GSTP1: variants seen among roughly 807,000 people sequenced by gnomAD.
GSTP1 encodes glutathione S-transferase pi 1.
Under a neutral mutation model 29.4 loss-of-function variants are expected in GSTP1, and 28 were observed. The observed-to-expected ratio is 0.95, with a 90% CI of 0.71 to 1.30. The LOEUF is 1.30. Among genes scored for constraint, GSTP1 ranks in the 50% most tolerant of loss-of-function variants. GSTP1 has a pLI of 0.00. For missense variants in GSTP1, 267 were observed against 266.1 expected (o/e 1.00, Z -0.02); for synonymous variants, 122 against 117.0 (o/e 1.04, Z -0.28).
chr11:67,585,385 G>A, intron 5 of GSTP1, 144 bp downstream of exon 5: 1 of 605,524 alleles, frequency 1.7e-6, no homozygotes, highest in South Asian at 2.0e-5. Flanking sequence ...CTGGGCCAGG[G>A]GCCCAGGGGC....
At chr11:67,585,660 T>TGTGTGC (rs1227612614) in intron 5 of GSTP1, among the ~76,000 whole-genome samples, 84 of 129,312 alleles carry the variant, frequency 6.5e-4, no homozygotes, top group Non-Finnish European at 1.2e-3. Flanking sequence ...AGAGGCAGCG[T>TGTGTGC]GTGTGCGCGT....
Position 67,586,537 on chromosome 11 carries a change from A to C in GSTP1, c.593A>C (p.Glu198Ala), listed in dbSNP as rs776954260. ...CTCAAGGCCTTCCTGGCCTCCCCTG[A>C]GTACGTGAACCTCCCCATCAATGGC... Reference protein sequence around the residue: ...PKLKAFLASPEYVNLPINGNG... With the variant: ...PKLKAFLASPAYVNLPINGNG... The change falls in exon 7 of 7, where the codon GAG (glutamate) becomes GCG (alanine). Residue 198 changes from glutamate (E) to alanine (A), a missense_variant. Physicochemically the swap from Glu to Ala is moderately radical, Grantham distance 107. Coordinates refer to ENST00000398606, the MANE Select transcript of GSTP1 (RefSeq NM_000852.4). The C allele has an allele frequency of 5.6e-6, 9 of 1,613,984 alleles. No homozygotes were observed. In the African/African-American group the frequency reaches 9.3e-5, roughly 17 times the overall value.
intron 5 of GSTP1, 58 bp from the exon 6 acceptor site, chr11:67,586,046 G>T: frequency 7.8e-7 from 1 of 1,288,240 alleles, no homozygotes; most frequent in Middle Eastern, 1.8e-4. Flanking sequence ...GGGCAGACGG[G>T]GGTGTCTCAG....
At position 67,585,233 on chromosome 11, in the gene GSTP1, AC is replaced by A. The variant is rs776127834; in HGVS notation, c.330del (p.Asn111ThrfsTer10). On this transcript the variant is annotated frameshift_variant, in exon 5 of 7. Transcript: ENST00000398606. LOFTEE classifies it high-confidence loss of function. ...CTGCAAATACATCTCCCTCATCTACACCAACTATGTGAGCATCTGCACCAGG... is the reference window on the plus strand; with the variant it reads ...CTGCAAATACATCTCCCTCATCTACACAACTATGTGAGCATCTGCACCAGG... ...LRCKYISLIY[T>X]NYEAGKDDYV... 44 of 1,599,592 alleles carry A rather than the reference AC, an allele frequency of 2.8e-5. No individual in the cohort carries two copies. Among genetic ancestry groups the A allele is most frequent in the Non-Finnish European group, 3.8e-5 (44 of 1,167,002 alleles).
chr11:67,586,346 G>A (rs1295146745), intron 6 of GSTP1, 43 bp from the exon 7 acceptor site: 7 of 1,588,378 alleles, frequency 4.4e-6, no homozygotes, highest in Non-Finnish European at 6.0e-6. Context: ...AATTCCTCCA[G>A]CCTGCTCCCG....
intron 2 of GSTP1, 67 bp downstream of exon 2, chr11:67,584,236 A>G (rs1867426981): frequency 3.9e-6 from 5 of 1,277,604 alleles, no homozygotes; most frequent in Non-Finnish European, 5.6e-6. Flanking sequence ...CCCCTCGCCC[A>G]CCCGGAGAGA....
intron 4 of GSTP1, 76 bp downstream of exon 4, chr11:67,584,848 T>G (rs757066218): frequency 2.7e-6 from 3 of 1,095,498 alleles, no homozygotes; most frequent in Non-Finnish European, 4.2e-6. Context: ...TTAAATCAGC[T>G]GCCCCGCAGC....
At position 67,584,182 on chromosome 11, in the gene GSTP1, G is replaced by C; in HGVS notation, c.37+13G>C. ...TTCCCAGTTCGAGGTAGGAGCATGT[G>C]TCTGGCAGGGAAGGGAGGCAGGGGC... is the stretch of plus-strand genomic sequence containing the variant. On this transcript the variant is annotated intron_variant, in intron 2 of 6. Coordinates refer to ENST00000398606, the MANE Select transcript of GSTP1 (RefSeq NM_000852.4). 6.2e-7 allele frequency: 1 copy of C among 1,607,678 alleles called. No homozygotes were observed. The highest frequency in any genetic ancestry group is 8.5e-7 in the Non-Finnish European group (1 of 1,174,178).
rs11553890 is a variant in GSTP1, at chr11:67,586,139, C to T, written c.372C>T (p.Pro124=). 9.0e-5 allele frequency: 145 copies of T among 1,613,830 alleles called. No homozygotes were observed. Among genetic ancestry groups the T allele is most frequent in the African/African-American group, 2.8e-4 (21 of 74,972 alleles). Residue 124 remains proline (P), a synonymous_variant, in exon 6 of 7, where the codon CCC becomes CCT. Transcript: ENST00000398606. ...AGKDDYVKAL[P]GQLKPFETLL... is the part of the protein sequence containing the mutation. ...AGGATGACTATGTGAAGGCACTGCC[C>T]GGGCAACTGAAGCCTTTTGAGACCC...
rs1867463473 is a variant in GSTP1, at chr11:67,586,145, A to G, written c.378A>G (p.Gln126=). 1 of 1,614,006 alleles carries G rather than the reference A, an allele frequency of 6.2e-7. No individual in the cohort carries two copies. The highest frequency in any genetic ancestry group is 2.2e-5 in the East Asian group (1 of 44,882). The change falls in exon 6 of 7, where the codon CAA becomes CAG. Residue 126 remains glutamine (Q), a synonymous_variant. Coordinates refer to ENST00000398606, the MANE Select transcript of GSTP1 (RefSeq NM_000852.4). The stretch of plus-strand genomic sequence containing the variant: ...ACTATGTGAAGGCACTGCCCGGGCA[A>G]CTGAAGCCTTTTGAGACCCTGCTGT... ...KDDYVKALPG[Q]LKPFETLLSQ... is the part of the protein sequence containing the mutation.
rs1420873262 is a variant in GSTP1, at chr11:67,584,722, T to A, written c.182T>A (p.Leu61His). The A allele has an allele frequency of 6.2e-7, 1 of 1,613,722 alleles. No individual in the cohort carries two copies. Among genetic ancestry groups the A allele is most frequent in the Non-Finnish European group, 8.5e-7 (1 of 1,179,918 alleles). ...CTCCCCAAGTTCCAGGACGGAGACC[T>A]CACCCTGTACCAGTCCAATACCATC... ...GQLPKFQDGD[L>H]TLYQSNTILR... is the part of the protein sequence containing the mutation. The change falls in exon 4 of 7, where the codon CTC (leucine) becomes CAC (histidine). Residue 61 changes from leucine (L) to histidine (H), a missense_variant. Physicochemically the swap from Leu to His is moderately conservative, Grantham distance 99. Coordinates refer to ENST00000398606, the MANE Select transcript of GSTP1 (RefSeq NM_000852.4).
intron 3 of GSTP1, 42 bp from the exon 4 acceptor site, chr11:67,584,643 C>A (rs1426842402): frequency 3.8e-6 from 6 of 1,584,374 alleles, no homozygotes; most frequent in Non-Finnish European, 5.2e-6. Context: ...CGGGGGACGC[C>A]CAAGCTCAGT....
rs768734901 is a variant in GSTP1, at chr11:67,584,471, C to T, written c.45C>T (p.Cys15=). The part of the protein sequence containing the change: ...TVVYFPVRGR[C]AALRMLLADQ... ...ACTTCTCCCTCCCCGCAGGCCGCTG[C>T]GCGGCCCTGCGCATGCTGCTGGCAG... The change falls in exon 3 of 7, where the codon TGC becomes TGT. Residue 15 remains cysteine (C), a synonymous_variant. Transcript: ENST00000398606. The T allele has an allele frequency of 7.9e-6, 12 of 1,519,438 alleles. No homozygotes were observed. Among genetic ancestry groups the T allele is most frequent in the Non-Finnish European group, 1.1e-5 (12 of 1,130,394 alleles). The allele number at this position is 1,519,438 out of a possible 1,614,324, so 94.1% of individuals were successfully genotyped here.
rs2370143 is a variant in GSTP1 at position 67,584,303 on chromosome 11, C to T, written c.37+134C>T. ...TTTTACCCCGGGCCTCCTTCCTGTT[C>T]CCCGCCTCTCCCGCCATGCCTGCTC... On this transcript the variant is annotated intron_variant, in intron 2 of 6. Coordinates refer to ENST00000398606, the MANE Select transcript of GSTP1 (RefSeq NM_000852.4). 0.37 allele frequency: 277,929 copies of T among 748,850 alleles called. 55,712 individuals carry two copies. The highest frequency in any genetic ancestry group is 0.44 in the Non-Finnish European group (198,927 of 453,076). 46.4% of individuals were successfully genotyped at this position (748,850 alleles called of 1,614,324 possible). A position where few individuals can be genotyped will look rare whatever the true frequency, so the allele number is the denominator to read the frequency against.
intron 4 of GSTP1, 124 bp from the exon 5 acceptor site, chr11:67,585,014 C>A (rs890919999): frequency 1.5e-6 from 1 of 668,714 alleles, no homozygotes; most frequent in Non-Finnish European, 2.6e-6. Flanking sequence ...TCCTTCCACG[C>A]ACATCCTCTT....
In GSTP1 at chr11:67,586,559, T is replaced by C. The variant is rs1014148882; in HGVS notation, c.615T>C (p.Asn205=). Residue 205 remains asparagine, a synonymous_variant, in exon 7 of 7, where the codon AAT becomes AAC. Transcript: ENST00000398606. ...ASPEYVNLPI[N]GNGKQ ...CTGAGTACGTGAACCTCCCCATCAA[T>C]GGCAACGGGAAACAGTGAGGGTTGG... The C allele has an allele frequency of 1.2e-6, 2 of 1,612,816 alleles. No individual in the cohort carries two copies. The highest frequency in any genetic ancestry group is 1.7e-5 in the Admixed American group (1 of 59,682).
rs778045547 is a variant in GSTP1, at chr11:67,583,828, C to T, written c.-16C>T. ...GAGGCCTTCGCTGGAGTTTCGCCGC[C>T]GCAGTCTTCGCCACCAGTGAGTACG... On this transcript the variant is annotated 5_prime_UTR_variant, in exon 1 of 7. Coordinates refer to ENST00000398606, the MANE Select transcript of GSTP1 (RefSeq NM_000852.4). The T allele has an allele frequency of 5.4e-6, 4 of 744,998 alleles. No homozygotes were observed. Among genetic ancestry groups the T allele is most frequent in the East Asian group, 2.5e-5 (1 of 39,754 alleles). The allele number at this position is 744,998 out of a possible 1,614,324, so 46.1% of individuals were successfully genotyped here. A position where few individuals can be genotyped will look rare whatever the true frequency, so the allele number is the denominator to read the frequency against.
At chr11:67,584,940 C>A in intron 4 of GSTP1, 168 bp downstream of exon 4, 1 of 651,954 alleles carries the variant, frequency 1.5e-6, no homozygotes, top group Non-Finnish European at 2.7e-6. Context: ...AATCCTTGCC[C>A]TGTGCCAGGC....
In GSTP1 at chr11:67,586,208, C is replaced by A. The variant is rs772064183; in HGVS notation, c.441C>A (p.Asp147Glu). Residue 147 changes from aspartate to glutamate, a missense_variant, in exon 6 of 7, where the codon GAC becomes GAA. Transcript: ENST00000398606. ...GAGGCAAGACCTTCATTGTGGGAGACCAGGTGAGCATCTGGCCCCATGCTG... is the reference window on the plus strand; with the variant it reads ...GAGGCAAGACCTTCATTGTGGGAGAACAGGTGAGCATCTGGCCCCATGCTG... ...NQGGKTFIVG[D>E]QISFADYNLL... 2 of 1,608,856 alleles carry A rather than the reference C, an allele frequency of 1.2e-6. No individual in the cohort carries two copies. The highest frequency in any genetic ancestry group is 1.7e-6 in the Non-Finnish European group (2 of 1,175,402).
Sources: gnomAD v4.1 joint callset for allele counts (sites outside exome capture counted in the v4.1 genomes callset) on GRCh38, gnomAD v4.1.1 for gene constraint, MANE v1.5 for transcripts, NCBI Gene and HGNC (gene_info 2026-07-23, HGNC 2026-07-21) for gene names.